Variants in NCR1 observed in about 807,000 individuals in gnomAD.
The protein encoded by NCR1 is natural cytotoxicity triggering receptor 1.
Under a neutral mutation model 32.5 loss-of-function variants are expected in NCR1, and 30 were observed. That is an observed-to-expected ratio of 0.92 (90% CI 0.69 to 1.25). The LOEUF (loss-of-function observed/expected upper bound fraction) is 1.25. Ranked by LOEUF, NCR1 falls within the 50% of genes most tolerant of loss-of-function variation. The pLI, the probability that NCR1 is intolerant of heterozygous loss-of-function variation, is 0.00. For synonymous variants in NCR1, 169 were observed against 143.4 expected (o/e 1.18, Z -1.28); for missense variants, 369 against 380.7 (o/e 0.97, Z 0.26).
At chr19:54,922,823 TACAAAG>T in the NCR1 span, among the ~76,000 whole-genome samples, 5 of 110,036 alleles carry the variant, frequency 4.5e-5, no homozygotes. Context: ...GAGAGACACA[TACAAAG>T]ACAGAGATAG....
chr19:54,927,544 C>T, the NCR1 span: 327 of 1,534,856 alleles, frequency 2.1e-4, 3 homozygotes, highest in South Asian at 2.8e-3. Context: ...TGACAGAGCA[C>T]GACTCCATCT....
At chr19:54,919,915 C>T (rs911006533), downstream of NCR1, among the ~76,000 whole-genome samples, 1 of 151,534 alleles carries the variant, frequency 6.6e-6, no homozygotes, top group East Asian at 1.9e-4. Flanking sequence ...TCTGGTCACA[C>T]CTCACTATGT....
chr19:54,936,335 G>A, the NCR1 span: 135 of 1,613,980 alleles, frequency 8.4e-5, 1 homozygote, highest in South Asian at 9.4e-4. Flanking sequence ...GTTCCCACTC[G>A]ATGTGCCCTG....
downstream of NCR1, among the ~76,000 whole-genome samples, chr19:54,918,536 AG>A (rs1053688919): frequency 2.0e-5 from 3 of 152,058 alleles, no homozygotes; most frequent in African/African-American, 4.8e-5. Context: ...GGTCTCCCAA[AG>A]TGATGAGATT....
chr19:54,927,614 T>G, the NCR1 span: 3 of 1,613,970 alleles, frequency 1.9e-6, no homozygotes, highest in Admixed American at 1.7e-5. Flanking sequence ...CCTGAGTATC[T>G]TCAAGGATCC....
chr19:54,933,505 G>A, the NCR1 span: 2 of 1,574,068 alleles, frequency 1.3e-6, no homozygotes, highest in Non-Finnish European at 1.7e-6. Flanking sequence ...GAATTAACAA[G>A]TACTTTCATG....
At chr19:54,906,962 G>A (rs1442527968) in intron 3 of NCR1, among the ~76,000 whole-genome samples, 155 bp downstream of exon 3, 2 of 152,146 alleles carry the variant, frequency 1.3e-5, no homozygotes, top group East Asian at 3.9e-4. Context: ...GCCTACAAGG[G>A]GTTGTCTGCA....
At position 54,910,179 on chromosome 19, in the gene NCR1, G is replaced by T. The variant is rs1455707173; in HGVS notation, c.682+114G>T. Reference sequence around the variant, plus strand: ...AGGCCAGGCGTGGTGGCTCACGCCTGTAATCCCAGCACTTTGGGAGGCCGA... The same window carrying T: ...AGGCCAGGCGTGGTGGCTCACGCCTTTAATCCCAGCACTTTGGGAGGCCGA... On this transcript the variant is annotated intron_variant, in intron 5 of 6. Transcript: ENST00000291890. The T allele has an allele frequency of 5.8e-6, 6 of 1,035,806 alleles. No homozygotes were observed. In the East Asian group the frequency reaches 1.5e-4, roughly 26 times the overall value. The allele number at this position is 1,035,806 out of a possible 1,614,324, so 64.2% of individuals were successfully genotyped here. A position where few individuals can be genotyped will look rare whatever the true frequency, so the allele number is the denominator to read the frequency against.
the NCR1 span, among the ~76,000 whole-genome samples, chr19:54,930,948 G>A: frequency 1.6e-4 from 24 of 152,042 alleles, no homozygotes; most frequent in Admixed American, 7.2e-4. Context: ...GCTTGAATCC[G>A]GGAGGCAGAG....
chr19:54,919,270 C>A (rs1397748188), downstream of NCR1, among the ~76,000 whole-genome samples: 1 of 152,120 alleles, frequency 6.6e-6, no homozygotes, highest in Non-Finnish European at 1.5e-5. Flanking sequence ...ACCACCAATG[C>A]GCGGAGACCG....
downstream of NCR1, among the ~76,000 whole-genome samples, chr19:54,917,750 G>A (rs767999079): frequency 9.2e-5 from 14 of 152,142 alleles, no homozygotes; most frequent in Non-Finnish European, 1.6e-4. Flanking sequence ...CATCTGGTAG[G>A]TAGGGTCCAG....
the NCR1 span, chr19:54,933,684 C>T: frequency 1.2e-6 from 2 of 1,614,174 alleles, no homozygotes; most frequent in East Asian, 4.5e-5. Flanking sequence ...TTGCTGACAA[C>T]CAAGACAGCA....
At chr19:54,930,562 G>A in the NCR1 span, 1 of 1,612,250 alleles carries the variant, frequency 6.2e-7, no homozygotes, top group South Asian at 1.1e-5. Flanking sequence ...CAATCCACGA[G>A]CTATCTGGTT....
upstream of NCR1, among the ~76,000 whole-genome samples, chr19:54,904,262 T>G (rs185131756): frequency 6.6e-6 from 1 of 152,214 alleles, no homozygotes; most frequent in African/African-American, 2.4e-5. Flanking sequence ...AAGAAGATAG[T>G]GTTATCATTC....
the NCR1 span, chr19:54,923,514 C>T: frequency 1.0e-5 from 6 of 597,136 alleles, no homozygotes; most frequent in South Asian, 1.9e-5. Context: ...GCAGCTGCAA[C>T]GAGAGTGCTC....
At chr19:54,922,589 C>T in the NCR1 span, among the ~76,000 whole-genome samples, 13 of 151,866 alleles carry the variant, frequency 8.6e-5, no homozygotes, top group African/African-American at 2.7e-4. Context: ...AACAGCCTGG[C>T]CAACATTGTG....
At chr19:54,933,517 C>T in the NCR1 span, 1 of 1,596,536 alleles carries the variant, frequency 6.3e-7, no homozygotes, top group Non-Finnish European at 8.6e-7. Flanking sequence ...ACTTTCATGT[C>T]TCTCCTGCTT....
downstream of NCR1, among the ~76,000 whole-genome samples, chr19:54,919,349 G>A (rs938531660): frequency 2.4e-4 from 36 of 152,364 alleles, no homozygotes; most frequent in East Asian, 6.2e-3. Context: ...AGGGTAAAGA[G>A]TGTGAGTCAC....
At chr19:54,922,366 A>G in the NCR1 span, among the ~76,000 whole-genome samples, 1 of 152,218 alleles carries the variant, frequency 6.6e-6, no homozygotes, top group Non-Finnish European at 1.5e-5. Context: ...ATGACCAAAT[A>G]CAGGGTGTGG....
Sources: gnomAD v4.1 joint callset for allele counts (sites outside exome capture counted in the v4.1 genomes callset) on GRCh38, gnomAD v4.1.1 for gene constraint, MANE v1.5 for transcripts, NCBI Gene and HGNC (gene_info 2026-07-23, HGNC 2026-07-21) for gene names.